PCNT: variants seen among roughly 807,000 people sequenced by gnomAD.
The protein encoded by PCNT is pericentrin.
In PCNT, 319 loss-of-function variants were observed where a neutral mutation model predicts 380.4. The ratio of observed to expected loss-of-function variants is 0.84; its 90% CI spans 0.77 to 0.92. PCNT has a LOEUF of 0.92. Among genes scored for constraint, PCNT ranks in the 40% least tolerant of loss-of-function variants. The pLI is 0.00. For synonymous variants in PCNT, 1,845 were observed against 1,735.2 expected (o/e 1.06, Z -1.57); for missense variants, 4,400 against 4,255.3 (o/e 1.03, Z -0.95).
intron 2 of PCNT, 127 bp downstream of exon 2, chr21:46,326,716 G>A: frequency 9.1e-7 from 1 of 1,093,546 alleles, no homozygotes; most frequent in Non-Finnish European, 1.4e-6. Flanking sequence ...TGTTATTTTA[G>A]TTTATAAAAA....
intron 35 of PCNT, among the ~76,000 whole-genome samples, chr21:46,429,315 G>A (rs1158828538): frequency 5.3e-5 from 5 of 94,670 alleles, no homozygotes; most frequent in African/African-American, 2.6e-4. Context: ...CTGTGCGAGC[G>A]CTCGTGAGAG....
At chr21:46,397,230 G>C in intron 21 of PCNT, 35 bp from the exon 22 acceptor site, 2 of 1,538,616 alleles carry the variant, frequency 1.3e-6, no homozygotes, top group Non-Finnish European at 1.8e-6. Context: ...TGAGGTGCGG[G>C]GGTGTCCCCG....
intron 24 of PCNT, 78 bp from the exon 25 acceptor site, chr21:46,399,512 T>C: frequency 9.3e-7 from 1 of 1,073,088 alleles, no homozygotes; most frequent in Non-Finnish European, 1.4e-6. Context: ...CTCTGTTGTT[T>C]TGGGTACTTT....
chr21:46,440,591 T>C (rs1246128975), intron 42 of PCNT, among the ~76,000 whole-genome samples: 3 of 152,180 alleles, frequency 2.0e-5, no homozygotes, highest in African/African-American at 7.2e-5. Flanking sequence ...AGGGGTGAAA[T>C]GCAAGAAGCT....
At chr21:46,354,342 T>A (rs910743633) in intron 11 of PCNT, among the ~76,000 whole-genome samples, 1 of 152,244 alleles carries the variant, frequency 6.6e-6, no homozygotes, top group Non-Finnish European at 1.5e-5. Flanking sequence ...TGCAGTGGGC[T>A]GCATTCGTCA....
chr21:46,367,272 G>A (rs1259449829), intron 15 of PCNT, 133 bp downstream of exon 15: 6 of 717,458 alleles, frequency 8.4e-6, no homozygotes, highest in Admixed American at 7.4e-5. Flanking sequence ...ACAGGCTGCC[G>A]AGATCAGTGG....
intron 11 of PCNT, among the ~76,000 whole-genome samples, chr21:46,354,771 G>C (rs1434174413): frequency 6.6e-6 from 1 of 152,204 alleles, no homozygotes. Flanking sequence ...GGAGGCCACA[G>C]GGTGTCCAGG....
chr21:46,406,631 A>G (rs1204942914), intron 27 of PCNT, among the ~76,000 whole-genome samples: 1 of 152,232 alleles, frequency 6.6e-6, no homozygotes, highest in African/African-American at 2.4e-5. Flanking sequence ...CTCCCAGTAC[A>G]AAGTTAAAAC....
At chr21:46,334,043 A>G (rs911168795) in intron 2 of PCNT, among the ~76,000 whole-genome samples, 1 of 151,958 alleles carries the variant, frequency 6.6e-6, no homozygotes, top group Admixed American at 6.6e-5. Flanking sequence ...TGTCTCTACT[A>G]AAAATACAAA....
At chr21:46,426,846 T>C (rs915578) in intron 33 of PCNT, among the ~76,000 whole-genome samples, 26,759 of 152,196 alleles carry the variant, frequency 0.18, 4,355 homozygotes, top group African/African-American at 0.43. Context: ...CCTGCCCCTG[T>C]GCCTGCCTCT....
intron 3 of PCNT, among the ~76,000 whole-genome samples, chr21:46,344,758 C>G (rs531145422): frequency 3.3e-5 from 5 of 152,324 alleles, no homozygotes; most frequent in African/African-American, 1.2e-4. Flanking sequence ...TGACGGTGGG[C>G]TCAGGATCCG....
chr21:46,398,193 C>CTTTCTTTAAA, intron 23 of PCNT, 42 bp from the exon 24 acceptor site: 3 of 1,607,612 alleles, frequency 1.9e-6, no homozygotes, highest in Non-Finnish European at 2.5e-6. Context: ...TAAGCTTTAA[C>CTTTCTTTAAA]TTTCTTTAAA....
chr21:46,422,161 GT>G (rs1569285879), intron 32 of PCNT, 37 bp downstream of exon 32: 1 of 1,610,914 alleles, frequency 6.2e-7, no homozygotes, highest in South Asian at 1.1e-5. Context: ...AGCTTCACAT[GT>G]GCAGCCTCGG....
Position 46,411,199 on chromosome 21 carries a change from C to T in PCNT, c.5126C>T (p.Thr1709Ile), listed in dbSNP as rs573088566. 3.7e-6 allele frequency: 6 copies of T among 1,613,938 alleles called. No individual in the cohort carries two copies. The South Asian group carries it at 6.6e-5, about 18-fold the overall frequency. Residue 1709 changes from threonine (T) to isoleucine (I), a missense_variant, in exon 28 of 47, where the codon ACC (threonine) becomes ATC (isoleucine). Thr to Ile is a moderately conservative substitution (Grantham distance 89). Coordinates refer to ENST00000359568, the MANE Select transcript of PCNT (RefSeq NM_006031.6). ...GTCCTCTCTCTTCAGGTCATATATA[C>T]CAGAAGTTCTGAGATTGAAGAGCTG... The part of the protein sequence containing the change: ...EENTSLKVIY[T>I]RSSEIEELKA...
At chr21:46,341,627 A>G (rs893783834) in intron 3 of PCNT, among the ~76,000 whole-genome samples, 2 of 151,984 alleles carry the variant, frequency 1.3e-5, no homozygotes, top group Middle Eastern at 3.2e-3. Context: ...TCGGCCTCCC[A>G]AAGTGCTGGG....
intron 27 of PCNT, among the ~76,000 whole-genome samples, chr21:46,409,379 G>A (rs1054381908): frequency 6.6e-6 from 1 of 151,910 alleles, no homozygotes; most frequent in African/African-American, 2.4e-5. Context: ...AGTAGAGACG[G>A]GGTTTCTCCA....
At position 46,353,213 on chromosome 21, in the gene PCNT, T is replaced by C. The variant is rs769598529; in HGVS notation, c.1566T>C (p.Tyr522=). ...HESELEQLRI[Y]FEKKLRDAEK... ...CCGAACTGGAGCAACTGAGGATTTA[T>C]TTTGAAAAGAAGTTAAGGGATGCTG... Residue 522 remains tyrosine, a synonymous_variant, in exon 10 of 47, where the codon TAT becomes TAC. Transcript: ENST00000359568. 2.5e-6 allele frequency: 4 copies of C among 1,614,134 alleles called. No individual in the cohort carries two copies. Among genetic ancestry groups the C allele is most frequent in the South Asian group, 1.1e-5 (1 of 91,082 alleles).
chr21:46,445,349 C>T lies in PCNT; in HGVS notation c.*22C>T, dbSNP rs756836323. 4.5e-6 allele frequency: 7 copies of T among 1,572,262 alleles called. No homozygotes were observed. The highest frequency in any genetic ancestry group is 3.3e-5 in the South Asian group (3 of 90,224). ...GTGAATAAAATGTCATGGCTCTTTC[C>T]TGCGACAATTCTATTTGAGGAAAAG... is the stretch of plus-strand genomic sequence containing the variant. On this transcript the variant is annotated 3_prime_UTR_variant, in exon 47 of 47. Transcript: ENST00000359568.
chr21:46,397,604 C>T (rs1022822114), intron 22 of PCNT, 110 bp downstream of exon 22: 20 of 893,078 alleles, frequency 2.2e-5, no homozygotes, highest in Middle Eastern at 2.3e-4. Flanking sequence ...TTGAAGAGGG[C>T]GCCCCACACC....
Sources: gnomAD v4.1 joint callset for allele counts (sites outside exome capture counted in the v4.1 genomes callset) on GRCh38, gnomAD v4.1.1 for gene constraint, MANE v1.5 for transcripts, NCBI Gene and HGNC (gene_info 2026-07-23, HGNC 2026-07-21) for gene names.